The following FER variants were observed in gnomAD, a reference collection of about 807,000 sequenced individuals.
FER encodes the protein tyrosine-protein kinase Fer.
Under a neutral mutation model 111.0 loss-of-function variants are expected in FER, and 63 were observed. The ratio of observed to expected loss-of-function variants is 0.57; its 90% CI spans 0.46 to 0.70. The LOEUF is 0.70. Ranked by LOEUF, FER falls within the 30% of genes least tolerant of loss-of-function variation. The pLI, the probability that FER is intolerant of heterozygous loss-of-function variation, is 0.00. For missense variants in FER, 914 were observed against 954.0 expected, an observed-to-expected ratio of 0.96 and a Z score of 0.55; for synonymous variants, 327 against 313.9, an observed-to-expected ratio of 1.04 and a Z score of -0.44.
intron 1 of FER, among the ~76,000 whole-genome samples, chr5:108,753,733 T>C (rs558728642): frequency 6.6e-6 from 1 of 152,328 alleles, no homozygotes; most frequent in South Asian, 2.1e-4. Flanking sequence ...TTTACAGATA[T>C]CCCTGTTTCA....
chr5:109,018,812 G>T lies in FER; in HGVS notation c.1657-18610G>T, dbSNP rs77415026. Among the ~76,000 whole-genome samples the T allele has an allele frequency of 2.7e-3, 405 of 151,786 alleles. 1 individual carries two copies. The highest frequency in any genetic ancestry group is 9.3e-3 in the African/African-American group (387 of 41,492). ...AGAAGGGACTTAAGTAGTAGAGTTGGATTTCACCCACATCGTTTTCTGGAT... is the reference window on the plus strand; with the variant it reads ...AGAAGGGACTTAAGTAGTAGAGTTGTATTTCACCCACATCGTTTTCTGGAT... On this transcript the variant is annotated intron_variant, in intron 13 of 19. Coordinates refer to ENST00000281092, the MANE Select transcript of FER (RefSeq NM_005246.4).
chr5:108,995,887 T>C (rs1763918509), intron 13 of FER, among the ~76,000 whole-genome samples: 1 of 152,058 alleles, frequency 6.6e-6, no homozygotes, highest in Non-Finnish European at 1.5e-5. Context: ...CCACCAACAG[T>C]GTAAAATGTT....
At chr5:108,860,955 C>T (rs145831044) in intron 5 of FER, among the ~76,000 whole-genome samples, 2 of 152,234 alleles carry the variant, frequency 1.3e-5, no homozygotes, top group East Asian at 1.9e-4. Flanking sequence ...TGAGAACTCA[C>T]TATCACAAGA....
rs1437673353 is a variant in FER, at chr5:108,879,696, AAAAAAAT to A, written c.924-3698_924-3692del. Among the ~76,000 whole-genome samples, 241 of 113,104 alleles carry A rather than the reference AAAAAAAT, an allele frequency of 2.1e-3. 6 individuals are homozygous for A. The highest frequency in any genetic ancestry group is 9.5e-3 in the African/African-American group (231 of 24,426). The allele number at this position is 113,104 out of a possible 152,430, so 74.2% of individuals were successfully genotyped here. ...ACCATATGTATTTTTTTTAGATTAA[AAAAAAAT>A]ATATATATATATATATATATATTTG... On this transcript the variant is annotated intron_variant, in intron 8 of 19. Coordinates refer to ENST00000281092, the MANE Select transcript of FER (RefSeq NM_005246.4).
chr5:108,754,215 A>G (rs1037250057), intron 1 of FER, among the ~76,000 whole-genome samples: 6 of 152,076 alleles, frequency 3.9e-5, no homozygotes, highest in Non-Finnish European at 1.5e-5. Flanking sequence ...GTTTGAGAGC[A>G]GCCTGGGTAA....
Position 109,187,976 on chromosome 5 carries a change from C to T in FER, c.*401C>T, listed in dbSNP as rs1759063259. 1 of 173,014 alleles carries T rather than the reference C, an allele frequency of 5.8e-6. No homozygotes were observed. Among genetic ancestry groups the T allele is most frequent in the South Asian group, 1.5e-4 (1 of 6,652 alleles). The allele number at this position is 173,014 out of a possible 1,614,324, so 10.7% of individuals were successfully genotyped here. ...GGTGCTATAAACAGCATTGGTAATGCCATGTTTGCAGGACATGTTCCAACC... is the reference window on the plus strand; with the variant it reads ...GGTGCTATAAACAGCATTGGTAATGTCATGTTTGCAGGACATGTTCCAACC... On this transcript the variant is annotated 3_prime_UTR_variant, in exon 20 of 20. Transcript: ENST00000281092.
At chr5:109,072,957 C>G (rs549759994) in intron 16 of FER, among the ~76,000 whole-genome samples, 23 of 152,090 alleles carry the variant, frequency 1.5e-4, no homozygotes, top group African/African-American at 4.1e-4. Context: ...AATCACATAG[C>G]CTTCTTCCCT....
chr5:108,944,828 A>T (rs186603731), intron 10 of FER, among the ~76,000 whole-genome samples: 1 of 121,428 alleles, frequency 8.2e-6, no homozygotes, highest in East Asian at 1.9e-4. Context: ...AGGCCAACCT[A>T]TCTATAAAGA....
chr5:108,802,702 A>G (rs993670393), intron 3 of FER, among the ~76,000 whole-genome samples: 31 of 152,034 alleles, frequency 2.0e-4, no homozygotes, highest in African/African-American at 6.0e-4. Flanking sequence ...TTTCTTTTTT[A>G]TGACCATATA....
At chr5:109,081,158 C>G (rs1348574839) in intron 16 of FER, among the ~76,000 whole-genome samples, 2 of 151,958 alleles carry the variant, frequency 1.3e-5, no homozygotes, top group African/African-American at 4.8e-5. Flanking sequence ...GTCTGAGCTC[C>G]TACAACTAAT....
At chr5:108,890,684 A>G (rs1310588413) in intron 9 of FER, among the ~76,000 whole-genome samples, 1 of 152,044 alleles carries the variant, frequency 6.6e-6, no homozygotes, top group Non-Finnish European at 1.5e-5. Flanking sequence ...CCTGTTTCCA[A>G]ATAAGGTCAC....
chr5:109,094,931 C>T (rs533070252), intron 16 of FER, among the ~76,000 whole-genome samples: 20 of 152,262 alleles, frequency 1.3e-4, no homozygotes, highest in African/African-American at 4.8e-4. Context: ...ACTATGGCAT[C>T]TCTCCTCGCA....
rs565201156 is a variant in FER at position 108,798,457 on chromosome 5, A to G, written c.207+68A>G. On this transcript the variant is annotated intron_variant, in intron 3 of 19. Transcript: ENST00000281092. The stretch of plus-strand genomic sequence containing the variant: ...ATTGTCCTTAAAATGCAATAGCTCA[A>G]ACTATTGAATGAGCATACTTAAGTC... 744 of 1,197,860 alleles carry G rather than the reference A, an allele frequency of 6.2e-4. 3 individuals carry two copies. The highest frequency in any genetic ancestry group is 7.9e-4 in the Non-Finnish European group (651 of 824,340). 74.2% of individuals were successfully genotyped at this position (1,197,860 alleles called of 1,614,324 possible).
At chr5:108,755,563 G>A (rs1233393978) in intron 1 of FER, among the ~76,000 whole-genome samples, 2 of 152,012 alleles carry the variant, frequency 1.3e-5, no homozygotes, top group Non-Finnish European at 2.9e-5. Flanking sequence ...TCGGCTCACC[G>A]CAACCTCCAC....
At chr5:108,875,217 G>T (rs555497843) in intron 8 of FER, among the ~76,000 whole-genome samples, 11 of 152,178 alleles carry the variant, frequency 7.2e-5, no homozygotes, top group African/African-American at 2.4e-4. Flanking sequence ...TTACCATGTG[G>T]TCAAAGGCTA....
At chr5:108,934,381 A>AGG (rs1411819769) in intron 10 of FER, among the ~76,000 whole-genome samples, 1 of 152,196 alleles carries the variant, frequency 6.6e-6, no homozygotes, top group Non-Finnish European at 1.5e-5. Flanking sequence ...AGACCATTTC[A>AGG]TTATATGACA....
intron 16 of FER, among the ~76,000 whole-genome samples, chr5:109,073,553 A>C (rs1776000553): frequency 6.6e-6 from 1 of 152,156 alleles, no homozygotes; most frequent in African/African-American, 2.4e-5. Flanking sequence ...CCATTATATA[A>C]ATATCTAATG....
In FER at chr5:109,190,374, T is replaced by TTC. The variant is rs1217429390; in HGVS notation, c.*2799_*2800insTC. The TTC allele has an allele frequency of 2.0e-5, 3 of 151,992 alleles. No individual in the cohort carries two copies. The highest frequency in any genetic ancestry group is 7.2e-5 in the African/African-American group (3 of 41,380). The allele number at this position is 151,992 out of a possible 1,614,324, so 9.4% of individuals were successfully genotyped here. A position where few individuals can be genotyped will look rare whatever the true frequency, so the allele number is the denominator to read the frequency against. On this transcript the variant is annotated 3_prime_UTR_variant, in exon 20 of 20. Coordinates refer to ENST00000281092, the MANE Select transcript of FER (RefSeq NM_005246.4). ...ATGGATTATTCAAGATATATATATA[T>TTC]ATTCTTACTACTGCATAGTTCCTCT...
chr5:108,818,110 A>G (rs549629959), intron 3 of FER: 7 of 152,184 alleles, frequency 4.6e-5, no homozygotes, highest in Non-Finnish European at 1.0e-4. Context: ...ACAAAACAAC[A>G]CTGCCAAAGA....
Sources: gnomAD v4.1 joint callset for allele counts (sites outside exome capture counted in the v4.1 genomes callset) on GRCh38, gnomAD v4.1.1 for gene constraint, MANE v1.5 for transcripts, NCBI Gene and HGNC (gene_info 2026-07-23, HGNC 2026-07-21) for gene names.